RBMS3: variants seen among roughly 807,000 people sequenced by gnomAD.
The protein encoded by RBMS3 is RNA binding motif single stranded interacting protein 3, also known as RNA-binding motif, single-stranded-interacting protein 3.
A neutral mutation model predicts 66.8 loss-of-function variants in RBMS3; 27 were observed. That is an observed-to-expected ratio of 0.40 (90% CI 0.30 to 0.56). The LOEUF (loss-of-function observed/expected upper bound fraction) is 0.56, where lower values mean the gene tolerates loss of function less well. RBMS3 is among the 20% of genes least tolerant of loss of function. RBMS3 has a pLI of 0.40. For missense variants in RBMS3, 513 were observed against 549.5 expected (o/e 0.93, Z 0.66); for synonymous variants, 188 against 183.0 (o/e 1.03, Z -0.22).
At chr3:29,518,614 T>C (rs1480401138) in intron 3 of RBMS3, among the ~76,000 whole-genome samples, 1 of 152,224 alleles carries the variant, frequency 6.6e-6, no homozygotes, top group East Asian at 1.9e-4. Flanking sequence ...TGGCAGGACA[T>C]GTCTAAAGTT....
intron 4 of RBMS3, among the ~76,000 whole-genome samples, chr3:29,694,806 C>G (rs2052189730): frequency 6.6e-6 from 1 of 151,984 alleles, no homozygotes; most frequent in Non-Finnish European, 1.5e-5. Flanking sequence ...ATCTCCCACC[C>G]CAGCCCCAAA....
At chr3:29,722,493 C>CT (rs1337089562) in intron 4 of RBMS3, among the ~76,000 whole-genome samples, 1 of 152,042 alleles carries the variant, frequency 6.6e-6, no homozygotes, top group Non-Finnish European at 1.5e-5. Context: ...AATGTCTAAT[C>CT]TATAGAACTG....
At chr3:29,997,356 C>G (rs910321853) in intron 14 of RBMS3, among the ~76,000 whole-genome samples, 2 of 150,632 alleles carry the variant, frequency 1.3e-5, no homozygotes, top group East Asian at 2.0e-4. Flanking sequence ...GGAACTGGTA[C>G]CATTCCTTCT....
At chr3:29,463,690 C>T (rs2042446131) in intron 2 of RBMS3, among the ~76,000 whole-genome samples, 1 of 151,542 alleles carries the variant, frequency 6.6e-6, no homozygotes, top group South Asian at 2.1e-4. Flanking sequence ...ACTCTGGGTC[C>T]TGGCAGCTGG....
intron 1 of RBMS3, among the ~76,000 whole-genome samples, chr3:29,386,058 A>G (rs2038995256): frequency 6.6e-6 from 1 of 152,200 alleles, no homozygotes. Context: ...ACCGTTGCTT[A>G]TATAAACTCG....
At chr3:29,852,307 C>T in intron 6 of RBMS3, among the ~76,000 whole-genome samples, 1 of 152,080 alleles carries the variant, frequency 6.6e-6, no homozygotes, top group East Asian at 1.9e-4. Flanking sequence ...CAAAAGTTGA[C>T]AAATGGGATC....
intron 10 of RBMS3, among the ~76,000 whole-genome samples, chr3:29,913,471 A>G (rs781532147): frequency 5.9e-5 from 9 of 152,010 alleles, no homozygotes; most frequent in Non-Finnish European, 8.8e-5. Flanking sequence ...ATCACTTAAC[A>G]TAAGTATAAT....
chr3:29,922,821 T>C (rs1003885504), intron 10 of RBMS3, among the ~76,000 whole-genome samples: 10 of 152,218 alleles, frequency 6.6e-5, no homozygotes, highest in African/African-American at 2.4e-4. Context: ...AGAATTCACA[T>C]TGATTGTCTA....
chr3:29,299,047 G>A lies in RBMS3; in HGVS notation c.75+17291G>A, dbSNP rs560198818. ...AGGGTAATCAAATGCTAAGTCATGC[G>A]ACATTGACTTAAATTGAGGAGAAAG... On this transcript the variant is annotated intron_variant, in intron 1 of 14. Transcript: ENST00000383767. 3.9e-5 allele frequency among the ~76,000 whole-genome samples: 6 copies of A among 151,942 alleles called. No homozygotes were observed. The South Asian group carries it at 8.3e-4, about 21-fold the overall frequency.
intron 1 of RBMS3, among the ~76,000 whole-genome samples, chr3:29,334,886 T>G (rs1388863770): frequency 1.3e-5 from 2 of 152,200 alleles, no homozygotes; most frequent in East Asian, 3.9e-4. Flanking sequence ...TCGCATGAAA[T>G]AATATGATAA....
intron 4 of RBMS3, among the ~76,000 whole-genome samples, chr3:29,638,140 C>A (rs997656295): frequency 6.6e-6 from 1 of 151,768 alleles, no homozygotes; most frequent in African/African-American, 2.4e-5. Flanking sequence ...GAAGACACGT[C>A]CCCCTATCCC....
At chr3:29,705,693 A>G (rs767909278) in intron 4 of RBMS3, among the ~76,000 whole-genome samples, 3 of 152,146 alleles carry the variant, frequency 2.0e-5, no homozygotes, top group Non-Finnish European at 4.4e-5. Context: ...CCTCCTATGC[A>G]ACCTCAATTC....
intron 1 of RBMS3, among the ~76,000 whole-genome samples, chr3:29,421,931 C>T (rs781591062): frequency 6.6e-5 from 10 of 152,098 alleles, no homozygotes; most frequent in African/African-American, 1.9e-4. Flanking sequence ...ACCAAAAGAA[C>T]GTTACTGTTC....
At chr3:29,444,182 G>T (rs2041730593) in intron 2 of RBMS3, among the ~76,000 whole-genome samples, 1 of 150,660 alleles carries the variant, frequency 6.6e-6, no homozygotes, top group South Asian at 2.1e-4. Context: ...CAATAGTGTG[G>T]TATCTAATAT....
intron 6 of RBMS3, among the ~76,000 whole-genome samples, chr3:29,826,866 T>C (rs536904729): frequency 6.6e-6 from 1 of 152,184 alleles, no homozygotes; most frequent in South Asian, 2.1e-4. Context: ...GTCACAAGAA[T>C]TAGAAGTTAG....
intron 3 of RBMS3, among the ~76,000 whole-genome samples, chr3:29,524,778 G>T (rs182256645): frequency 8.5e-5 from 13 of 152,128 alleles, no homozygotes; most frequent in Non-Finnish European, 4.4e-5. Context: ...GAGAGGCTGG[G>T]TGTGGTGGTT....
At chr3:29,348,554 TCTTGA>T (rs748699888) in intron 1 of RBMS3, among the ~76,000 whole-genome samples, 176 of 147,574 alleles carry the variant, frequency 1.2e-3, no homozygotes, top group Non-Finnish European at 2.1e-3. Context: ...AAATTTTCAC[TCTTGA>T]CTTCTCTCTG....
chr3:29,548,014 C>T (rs186748640), intron 3 of RBMS3, among the ~76,000 whole-genome samples: 2,017 of 151,902 alleles, frequency 0.013, 44 homozygotes, highest in African/African-American at 0.046. Flanking sequence ...AGGCTGGTCT[C>T]GCACTTCTGA....
At chr3:29,598,366 G>A (rs917985413) in intron 4 of RBMS3, among the ~76,000 whole-genome samples, 5 of 151,978 alleles carry the variant, frequency 3.3e-5, no homozygotes, top group African/African-American at 1.2e-4. Context: ...CAAAAATACA[G>A]TAAAGAATGA....
Sources: allele counts gnomAD v4.1 joint callset (sites outside exome capture counted in the v4.1 genomes callset), GRCh38; gene constraint gnomAD v4.1.1; transcripts MANE v1.5; gene names NCBI Gene and HGNC (gene_info 2026-07-23, HGNC 2026-07-21).